Variants in DOCK3 observed in about 807,000 individuals in gnomAD.
DOCK3 encodes dedicator of cytokinesis 3.
In DOCK3, 60 loss-of-function variants were observed where a neutral mutation model predicts 265.6. The observed-to-expected ratio is 0.23, with a 90% CI of 0.18 to 0.28. The LOEUF (loss-of-function observed/expected upper bound fraction) is 0.28. DOCK3 is among the 10% of genes least tolerant of loss of function. The probability of loss-of-function intolerance (pLI) is 1.00; values close to 1 mark genes in which losing one functional copy is unlikely to be tolerated. For missense variants in DOCK3, 1,981 were observed against 2,594.3 expected, an observed-to-expected ratio of 0.76 and a Z score of 5.14; for synonymous variants, 881 against 938.0, an observed-to-expected ratio of 0.94 and a Z score of 1.11.
chr3:51,240,014 C>G (rs751520350), intron 21 of DOCK3, among the ~76,000 whole-genome samples: 1 of 152,098 alleles, frequency 6.6e-6, no homozygotes, highest in Non-Finnish European at 1.5e-5. Context: ...TCTTAGTTCT[C>G]TAGTTCTTTT....
chr3:51,065,855 T>A (rs1218403303), intron 6 of DOCK3, among the ~76,000 whole-genome samples: 1 of 152,228 alleles, frequency 6.6e-6, no homozygotes, highest in Non-Finnish European at 1.5e-5. Context: ...TCACCAGATG[T>A]TTGAAGAAAA....
chr3:51,068,560 A>AAAAAAAAAAAAAAAAGAAG (rs529031027), intron 6 of DOCK3, among the ~76,000 whole-genome samples: 2 of 82,418 alleles, frequency 2.4e-5, no homozygotes, highest in African/African-American at 4.6e-5. Context: ...AAAAAAAAAA[A>AAAAAAAAAAAAAAAAGAAG]AAGAAGAAGA....
At chr3:50,816,947 G>T (rs1256084909) in intron 2 of DOCK3, among the ~76,000 whole-genome samples, 1 of 152,170 alleles carries the variant, frequency 6.6e-6, no homozygotes, top group Non-Finnish European at 1.5e-5. Context: ...GTGCAAGAAA[G>T]AATTCAGGGT....
At chr3:50,970,930 TATATATATATATATATA>T (rs1559878593) in intron 5 of DOCK3, among the ~76,000 whole-genome samples, 17 of 72,994 alleles carry the variant, frequency 2.3e-4, no homozygotes, top group East Asian at 1.8e-3. Context: ...TATATATATA[TATATATATATATATATA>T]ATGTGTGTGT....
At chr3:51,027,019 A>G (rs929371552) in intron 5 of DOCK3, among the ~76,000 whole-genome samples, 1 of 151,274 alleles carries the variant, frequency 6.6e-6, no homozygotes, top group Non-Finnish European at 1.5e-5. Flanking sequence ...TAGTTATTAT[A>G]TTTCTAGTTC....
chr3:50,850,175 G>T (rs1271559253), intron 3 of DOCK3, among the ~76,000 whole-genome samples: 1 of 151,806 alleles, frequency 6.6e-6, no homozygotes, highest in Non-Finnish European at 1.5e-5. Context: ...GAGCTCAGGA[G>T]TTTGAGACCA....
At chr3:51,269,448 C>T (rs981059540) in intron 23 of DOCK3, among the ~76,000 whole-genome samples, 7 of 152,120 alleles carry the variant, frequency 4.6e-5, no homozygotes, top group African/African-American at 2.4e-5. Context: ...TACTGCAAAA[C>T]AATCTCCTTG....
chr3:51,200,335 A>G (rs1489401113), intron 12 of DOCK3, among the ~76,000 whole-genome samples: 5 of 151,438 alleles, frequency 3.3e-5, no homozygotes, highest in Non-Finnish European at 7.4e-5. Flanking sequence ...AGAAGTGCTT[A>G]AGGAGCTGAT....
intron 5 of DOCK3, among the ~76,000 whole-genome samples, chr3:51,029,446 C>T (rs1329776074): frequency 6.6e-6 from 1 of 152,158 alleles, no homozygotes; most frequent in Non-Finnish European, 1.5e-5. Flanking sequence ...AAAAATCATT[C>T]TTTTTCAGTG....
chr3:50,706,865 A>G (rs1206993858), intron 1 of DOCK3, among the ~76,000 whole-genome samples: 2 of 151,902 alleles, frequency 1.3e-5, no homozygotes, highest in Admixed American at 6.6e-5. Context: ...AGCAAATCTC[A>G]TGTTGAATTG....
intron 37 of DOCK3, 76 bp from the exon 38 acceptor site, chr3:51,341,161 G>A: frequency 6.7e-7 from 1 of 1,485,616 alleles, no homozygotes; most frequent in South Asian, 1.4e-5. Context: ...GCCCAGCATA[G>A]TCCTCTGACA....
intron 1 of DOCK3, among the ~76,000 whole-genome samples, chr3:50,716,734 A>G (rs983610472): frequency 1.3e-5 from 2 of 151,814 alleles, no homozygotes; most frequent in African/African-American, 4.8e-5. Flanking sequence ...GAATTTTAAT[A>G]TTTATTCCTG....
intron 12 of DOCK3, among the ~76,000 whole-genome samples, chr3:51,196,016 G>A (rs2107913920): frequency 1.3e-5 from 2 of 151,908 alleles, no homozygotes; most frequent in East Asian, 1.9e-4. Flanking sequence ...GCTCACTGCA[G>A]CCTCAACTTC....
intron 6 of DOCK3, 101 bp downstream of exon 6, chr3:51,064,697 G>A: frequency 7.0e-7 from 1 of 1,421,020 alleles, no homozygotes. Context: ...ATGATTCAAA[G>A]GCAATGTTAT....
chr3:50,788,055 G>C (rs2042278289), intron 2 of DOCK3: 1 of 741,902 alleles, frequency 1.3e-6, no homozygotes, highest in Non-Finnish European at 2.3e-6. Flanking sequence ...AAATGTGGCT[G>C]TTCTTCTGTT....
intron 10 of DOCK3, among the ~76,000 whole-genome samples, chr3:51,150,908 CG>C (rs2085554257): frequency 6.6e-6 from 1 of 152,114 alleles, no homozygotes; most frequent in South Asian, 2.1e-4. Flanking sequence ...CCTTCTGTCT[CG>C]TTGATCTGTC....
At chr3:50,823,593 T>C (rs71329008) in intron 2 of DOCK3, among the ~76,000 whole-genome samples, 1 of 152,182 alleles carries the variant, frequency 6.6e-6, no homozygotes, top group Admixed American at 6.5e-5. Flanking sequence ...GCAACCATCC[T>C]ATTTCTCAAT....
At chr3:51,373,165 G>A (rs1291534026) in intron 49 of DOCK3, among the ~76,000 whole-genome samples, 1 of 152,196 alleles carries the variant, frequency 6.6e-6, no homozygotes, top group African/African-American at 2.4e-5. Flanking sequence ...GGACTCCTTT[G>A]GCAAGCTGGC....
intron 5 of DOCK3, among the ~76,000 whole-genome samples, chr3:51,012,405 C>T (rs1397953149): frequency 2.0e-5 from 3 of 152,152 alleles, no homozygotes; most frequent in African/African-American, 7.2e-5. Context: ...GACTGCTGTG[C>T]TAGCAATGAG....
Sources: allele counts gnomAD v4.1 joint callset (sites outside exome capture counted in the v4.1 genomes callset), GRCh38; gene constraint gnomAD v4.1.1; transcripts MANE v1.5; gene names NCBI Gene and HGNC (gene_info 2026-07-23, HGNC 2026-07-21).